The following C17orf78 variants were observed in gnomAD, a reference collection of about 807,000 sequenced individuals.
C17orf78 encodes chromosome 17 open reading frame 78.
A neutral mutation model predicts 31.8 loss-of-function variants in C17orf78; 27 were observed. That is an observed-to-expected ratio of 0.85 (90% CI 0.63 to 1.17). The LOEUF is 1.17. Ranked by LOEUF, C17orf78 falls within the 50% of genes most tolerant of loss-of-function variation. The pLI, the probability that C17orf78 is intolerant of heterozygous loss-of-function variation, is 0.00. For missense variants in C17orf78, 258 were observed against 315.2 expected, an observed-to-expected ratio of 0.82 and a Z score of 1.37; for synonymous variants, 106 against 115.1, an observed-to-expected ratio of 0.92 and a Z score of 0.51.
chr17:37,390,036 A>T (rs1430276277), intron 6 of C17orf78, among the ~76,000 whole-genome samples: 1 of 143,948 alleles, frequency 6.9e-6, no homozygotes. Flanking sequence ...CTGCAATCCC[A>T]GTGCTTTGGG....
At chr17:37,378,994 C>A in intron 2 of C17orf78, 143 bp from the exon 3 acceptor site, 3 of 1,003,182 alleles carry the variant, frequency 3.0e-6, no homozygotes, top group Non-Finnish European at 4.3e-6. Flanking sequence ...GCTTGGAGAT[C>A]GAGGGAGTTT....
At chr17:37,386,177 T>G in intron 4 of C17orf78, 52 bp downstream of exon 4, 3 of 1,213,398 alleles carry the variant, frequency 2.5e-6, no homozygotes, top group Non-Finnish European at 3.5e-6. Flanking sequence ...AGGAGTAAAA[T>G]GGGAACAGAA....
rs1555672373 is a variant in C17orf78, at chr17:37,390,330, A to ATATCTATATATC, written c.750+971_750+972insCTATATATCTAT. 9.6e-3 allele frequency among the ~76,000 whole-genome samples: 398 copies of ATATCTATATATC among 41,578 alleles called. 54 individuals carry two copies. Among genetic ancestry groups the ATATCTATATATC allele is most frequent in the East Asian group, 0.042 (26 of 612 alleles). The allele number at this position is 41,578 out of a possible 152,430, so 27.3% of individuals were successfully genotyped here. On this transcript the variant is annotated intron_variant, in intron 6 of 6. Transcript: ENST00000615133. ...TATATATATATATATATATATATAT[A>ATATCTATATATC]TATAAAAGGCCAGCTGGGCCGGGCA...
rs528547782 is a variant in C17orf78, at chr17:37,389,015, GTTA to G, written c.633+223_633+225del. On this transcript the variant is annotated intron_variant, in intron 5 of 6. Transcript: ENST00000615133. ...CTCATGATATTTGCCTCTCATGGTA[GTTA>G]TAAAGATTGAGATTCTGTGTGAAAG... Among the ~76,000 whole-genome samples, 79 of 152,336 alleles carry G rather than the reference GTTA, an allele frequency of 5.2e-4. 1 individual carries two copies. The highest frequency in any genetic ancestry group is 3.4e-3 in the Middle Eastern group (1 of 294).
At chr17:37,388,130 A>G (rs1233614411) in intron 4 of C17orf78, among the ~76,000 whole-genome samples, 1 of 152,168 alleles carries the variant, frequency 6.6e-6, no homozygotes, top group Non-Finnish European at 1.5e-5. Flanking sequence ...GTGCCACTGC[A>G]TGCCAGTCTT....
At chr17:37,383,282 A>G (rs1158835925) in intron 3 of C17orf78, among the ~76,000 whole-genome samples, 1 of 152,252 alleles carries the variant, frequency 6.6e-6, no homozygotes, top group Admixed American at 6.5e-5. Flanking sequence ...GGGACAAGGA[A>G]AACTGAGGGG....
chr17:37,381,402 T>C (rs898212164), intron 3 of C17orf78, among the ~76,000 whole-genome samples: 1 of 151,872 alleles, frequency 6.6e-6, no homozygotes, highest in Non-Finnish European at 1.5e-5. Flanking sequence ...GCCAGGCTAG[T>C]GTTGAACTCC....
chr17:37,385,234 G>A (rs1225916467), intron 3 of C17orf78, among the ~76,000 whole-genome samples: 1 of 152,172 alleles, frequency 6.6e-6, no homozygotes, highest in East Asian at 1.9e-4. Flanking sequence ...CACTTTGGGA[G>A]GCCGAGGTGG....
At chr17:37,382,215 AGGTT>A (rs1400494558) in intron 3 of C17orf78, among the ~76,000 whole-genome samples, 10 of 152,036 alleles carry the variant, frequency 6.6e-5, no homozygotes, top group Non-Finnish European at 1.3e-4. Flanking sequence ...CCCTCACTAG[AGGTT>A]GGTTCCATTG....
chr17:37,390,330 A>ATATCTATC (rs1555672373), intron 6 of C17orf78, among the ~76,000 whole-genome samples: 1 of 41,592 alleles, frequency 2.4e-5, no homozygotes, highest in Non-Finnish European at 3.7e-5. Context: ...ATATATATAT[A>ATATCTATC]TATAAAAGGC....
At chr17:37,379,479 G>T (rs2147728821) in intron 3 of C17orf78, 97 bp downstream of exon 3, 1 of 1,417,214 alleles carries the variant, frequency 7.1e-7, no homozygotes, top group Non-Finnish European at 9.5e-7. Context: ...ACAAGAAAAT[G>T]AATTATCCAC....
At chr17:37,380,578 C>T (rs932136319) in intron 3 of C17orf78, among the ~76,000 whole-genome samples, 11 of 151,946 alleles carry the variant, frequency 7.2e-5, no homozygotes, top group East Asian at 3.9e-4. Context: ...CTTCTTTCAA[C>T]AGTTTTTTAA....
intron 3 of C17orf78, 105 bp from the exon 4 acceptor site, chr17:37,385,904 C>A: frequency 1.4e-6 from 1 of 727,866 alleles, no homozygotes; most frequent in Admixed American, 2.8e-5. Flanking sequence ...TTAATGGGAC[C>A]ACAATTGGAA....
intron 1 of C17orf78, among the ~76,000 whole-genome samples, chr17:37,377,650 A>C (rs1268688590): frequency 6.9e-6 from 1 of 145,626 alleles, no homozygotes; most frequent in Non-Finnish European, 1.5e-5. Context: ...ACAGAGTGAG[A>C]CTCCGTCTCA....
intron 3 of C17orf78, among the ~76,000 whole-genome samples, chr17:37,381,692 A>G (rs370107508): frequency 7.2e-6 from 1 of 138,248 alleles, no homozygotes; most frequent in Non-Finnish European, 1.5e-5. Context: ...CAGTGGTGCG[A>G]TCTCAGCTCA....
At chr17:37,388,840 C>A in intron 5 of C17orf78, 46 bp downstream of exon 5, 1 of 1,604,064 alleles carries the variant, frequency 6.2e-7, no homozygotes, top group Non-Finnish European at 8.5e-7. Context: ...CCCATAAAGA[C>A]TTTCTTCTGT....
At chr17:37,390,924 C>T (rs915868969) in intron 6 of C17orf78, among the ~76,000 whole-genome samples, 1 of 151,862 alleles carries the variant, frequency 6.6e-6, no homozygotes, top group African/African-American at 2.4e-5. Flanking sequence ...TCTATGAACA[C>T]AATAAGCTAC....
In C17orf78 at chr17:37,386,124, C is replaced by T. The variant is rs747693501; in HGVS notation, c.507C>T (p.Thr169=). 1.1e-5 allele frequency: 17 copies of T among 1,538,464 alleles called. No homozygotes were observed. Among genetic ancestry groups the T allele is most frequent in the East Asian group, 6.8e-5 (3 of 43,924 alleles). Residue 169 remains threonine (T), a splice_region_variant and synonymous_variant, in exon 4 of 7, where the codon ACC becomes ACT. Coordinates refer to ENST00000615133, the MANE Select transcript of C17orf78 (RefSeq NM_173625.5). ...AAGAAGGAGAGAAAACTACAAGTACCGGTAATTTTTCTAGCTTTGAAATGA... is the reference window on the plus strand; with the variant it reads ...AAGAAGGAGAGAAAACTACAAGTACTGGTAATTTTTCTAGCTTTGAAATGA... ...GNKEGEKTTS[T]DTDENLEKRQ...
chr17:37,389,570 C>G (rs1220913005), intron 6 of C17orf78, among the ~76,000 whole-genome samples: 1 of 151,950 alleles, frequency 6.6e-6, no homozygotes, highest in East Asian at 1.9e-4. Context: ...GCCTGTACTC[C>G]CAGCTACTCG....
Sources: gnomAD v4.1 joint callset for allele counts (sites outside exome capture counted in the v4.1 genomes callset) on GRCh38, gnomAD v4.1.1 for gene constraint, MANE v1.5 for transcripts, NCBI Gene and HGNC (gene_info 2026-07-23, HGNC 2026-07-21) for gene names.